Variants in MAML2 observed in about 807,000 individuals in gnomAD.
The protein encoded by MAML2 is mastermind like transcriptional coactivator 2, also known as mastermind-like protein 2.
Under a neutral mutation model 96.1 loss-of-function variants are expected in MAML2, and 22 were observed. The observed-to-expected ratio is 0.23, with a 90% confidence interval of 0.16 to 0.33. The LOEUF (loss-of-function observed/expected upper bound fraction) is 0.33, where lower values mean the gene tolerates loss of function less well. Among genes scored for constraint, MAML2 ranks in the 10% least tolerant of loss-of-function variants. The pLI is 1.00. For missense variants in MAML2, 1,367 were observed against 1,392.4 expected (o/e 0.98, Z 0.29); for synonymous variants, 561 against 521.3 (o/e 1.08, Z -1.04).
chr11:96,216,929 AG>A (rs1184751451), intron 1 of MAML2, among the ~76,000 whole-genome samples: 1 of 152,196 alleles, frequency 6.6e-6, no homozygotes, highest in Non-Finnish European at 1.5e-5. Context: ...TAATTCCACC[AG>A]GGGCAGGAGG....
intron 2 of MAML2, among the ~76,000 whole-genome samples, chr11:96,085,383 G>A (rs962352368): frequency 1.3e-5 from 2 of 152,148 alleles, no homozygotes; most frequent in Non-Finnish European, 2.9e-5. Context: ...CAAATTTACT[G>A]ATTAGTGAAC....
Position 96,191,829 on chromosome 11 carries a change from G to A in MAML2, c.514-98312C>T, listed in dbSNP as rs564791807. On this transcript the variant is annotated intron_variant, in intron 1 of 4. Coordinates refer to ENST00000524717, the MANE Select transcript of MAML2 (RefSeq NM_032427.4). The stretch of plus-strand genomic sequence containing the variant: ...TAGTTGAAATTCTACTATGTGAAAG[G>A]AGGTTCAGCTAACTGGATGTAGACC... 1.5e-4 allele frequency among the ~76,000 whole-genome samples: 22 copies of A among 151,674 alleles called. No individual in the cohort carries two copies. The South Asian group carries it at 4.6e-3, about 32-fold the overall frequency.
At chr11:96,008,190 C>T (rs1460390012) in intron 2 of MAML2, among the ~76,000 whole-genome samples, 3 of 140,106 alleles carry the variant, frequency 2.1e-5, no homozygotes, top group Admixed American at 7.0e-5. Context: ...CACAGATTTA[C>T]GTGAACTTTT....
At chr11:96,256,809 T>C (rs1862674839) in intron 1 of MAML2, among the ~76,000 whole-genome samples, 1 of 152,196 alleles carries the variant, frequency 6.6e-6, no homozygotes, top group African/African-American at 2.4e-5. Flanking sequence ...CATAAGTATG[T>C]CCGGCTGCAA....
At chr11:96,084,921 G>C (rs1459960106) in intron 2 of MAML2, among the ~76,000 whole-genome samples, 1 of 152,206 alleles carries the variant, frequency 6.6e-6, no homozygotes, top group Non-Finnish European at 1.5e-5. Context: ...TAAGGGTGGA[G>C]AGAACTCACA....
intron 1 of MAML2, among the ~76,000 whole-genome samples, chr11:96,332,431 G>A (rs2136018368): frequency 6.6e-6 from 1 of 152,272 alleles, no homozygotes; most frequent in South Asian, 2.1e-4. Context: ...CTCTCTGGGG[G>A]ACTGAGCCTG....
intron 1 of MAML2, among the ~76,000 whole-genome samples, chr11:96,179,878 G>A (rs1861454926): frequency 6.6e-6 from 1 of 152,172 alleles, no homozygotes; most frequent in Non-Finnish European, 1.5e-5. Flanking sequence ...ACCAATCCAT[G>A]GTTCAGCCAG....
At chr11:95,985,753 A>T in intron 3 of MAML2, 111 bp from the exon 4 acceptor site, 1 of 654,068 alleles carries the variant, frequency 1.5e-6, no homozygotes, top group Non-Finnish European at 2.6e-6. Context: ...TTTTGCAATC[A>T]TGGGTTACAA....
intron 1 of MAML2, among the ~76,000 whole-genome samples, chr11:96,274,326 C>T (rs941310311): frequency 1.3e-5 from 2 of 152,018 alleles, no homozygotes; most frequent in Non-Finnish European, 2.9e-5. Context: ...TTGTGATCGG[C>T]CCACCTCGGC....
intron 2 of MAML2, among the ~76,000 whole-genome samples, chr11:96,077,802 T>TAC (rs1859467525): frequency 6.6e-6 from 1 of 152,188 alleles, no homozygotes; most frequent in Non-Finnish European, 1.5e-5. Context: ...CTGGTGCTCT[T>TAC]TTTATAGGCT....
chr11:96,100,410 T>C (rs1591013379), intron 1 of MAML2, among the ~76,000 whole-genome samples: 1 of 150,694 alleles, frequency 6.6e-6, no homozygotes, highest in African/African-American at 2.4e-5. Flanking sequence ...CCCAGGTTCA[T>C]GTGATTCTCC....
chr11:96,073,911 T>C (rs886466793), intron 2 of MAML2, among the ~76,000 whole-genome samples: 27 of 152,218 alleles, frequency 1.8e-4, no homozygotes, highest in Non-Finnish European at 3.7e-4. Flanking sequence ...AATAAGTTTT[T>C]GTTTGCTAAA....
At chr11:96,043,165 A>G (rs1035930850) in intron 2 of MAML2, among the ~76,000 whole-genome samples, 6 of 152,182 alleles carry the variant, frequency 3.9e-5, no homozygotes, top group African/African-American at 1.4e-4. Flanking sequence ...TTTTATATCA[A>G]CGGAAGGAAG....
At chr11:96,251,859 G>A (rs879684639) in intron 1 of MAML2, among the ~76,000 whole-genome samples, 18 of 151,686 alleles carry the variant, frequency 1.2e-4, no homozygotes, top group Non-Finnish European at 2.5e-4. Context: ...AGCCTCCCGA[G>A]TAGCTGGGAC....
At chr11:96,296,470 T>C (rs1329015047) in intron 1 of MAML2, among the ~76,000 whole-genome samples, 5 of 152,014 alleles carry the variant, frequency 3.3e-5, no homozygotes, top group African/African-American at 9.7e-5. Context: ...GGTGAAACTC[T>C]GTCTCTATTA....
At chr11:96,186,417 T>A (rs867526371) in intron 1 of MAML2, among the ~76,000 whole-genome samples, 1 of 152,070 alleles carries the variant, frequency 6.6e-6, no homozygotes, top group Non-Finnish European at 1.5e-5. Flanking sequence ...TGGAGAAACC[T>A]TGTCTCTACT....
Position 96,219,761 on chromosome 11 carries a change from G to A in MAML2, c.513+121622C>T, listed in dbSNP as rs532882223. Among the ~76,000 whole-genome samples the A allele has an allele frequency of 3.2e-4, 48 of 152,174 alleles. No homozygotes were observed. The South Asian group carries it at 4.8e-3, about 15-fold the overall frequency. ...ATGCCTCAGCCTCCTGAGCATTTGG[G>A]ATTACAGATACCTGCCACGATACCC... On this transcript the variant is annotated intron_variant, in intron 1 of 4. Transcript: ENST00000524717.
chr11:96,203,458 G>A (rs984386222), intron 1 of MAML2, among the ~76,000 whole-genome samples: 1 of 152,168 alleles, frequency 6.6e-6, no homozygotes, highest in East Asian at 1.9e-4. Context: ...TTTGTTGTCA[G>A]ATCTGGCTGT....
chr11:96,028,150 G>C (rs1437045601), intron 2 of MAML2, among the ~76,000 whole-genome samples: 2 of 152,170 alleles, frequency 1.3e-5, no homozygotes, highest in African/African-American at 4.8e-5. Context: ...CACAGATTGA[G>C]TATAAATGGT....
Sources: allele counts gnomAD v4.1 joint callset (sites outside exome capture counted in the v4.1 genomes callset), GRCh38; gene constraint gnomAD v4.1.1; transcripts MANE v1.5; gene names NCBI Gene and HGNC (gene_info 2026-07-23, HGNC 2026-07-21).